Variants in FHIT observed in about 807,000 individuals in gnomAD.
FHIT encodes the protein fragile histidine triad diadenosine triphosphatase.
A neutral mutation model predicts 17.9 loss-of-function variants in FHIT; 19 were observed. The ratio of observed to expected loss-of-function variants is 1.06; its 90% CI spans 0.74 to 1.56. The LOEUF (loss-of-function observed/expected upper bound fraction) is 1.56, where lower values mean the gene tolerates loss of function less well. Among genes scored for constraint, FHIT ranks in the 40% most tolerant of loss-of-function variants. FHIT has a pLI of 0.00. For synonymous variants in FHIT, 81 were observed against 69.7 expected (o/e 1.16, Z -0.81); for missense variants, 248 against 189.2 (o/e 1.31, Z -1.82).
At chr3:60,202,748 C>G (rs1401431139) in intron 5 of FHIT, among the ~76,000 whole-genome samples, 2 of 152,166 alleles carry the variant, frequency 1.3e-5, no homozygotes, top group Non-Finnish European at 2.9e-5. Flanking sequence ...GGCCAAGAAT[C>G]ATCAACTTTG....
chr3:60,696,648 T>C (rs1024927001), intron 4 of FHIT, among the ~76,000 whole-genome samples: 1 of 152,140 alleles, frequency 6.6e-6, no homozygotes, highest in Admixed American at 6.6e-5. Flanking sequence ...AGTCTGTGGA[T>C]CAGAGGGCTG....
intron 5 of FHIT, among the ~76,000 whole-genome samples, chr3:60,475,642 G>T (rs1400890658): frequency 6.6e-6 from 1 of 152,130 alleles, no homozygotes; most frequent in Non-Finnish European, 1.5e-5. Flanking sequence ...CAACTTCATG[G>T]GCCTGGGCCA....
intron 5 of FHIT, among the ~76,000 whole-genome samples, chr3:60,232,706 G>A (rs11717200): frequency 0.13 from 20,182 of 152,108 alleles, 1,597 homozygotes; most frequent in Admixed American, 0.21. Context: ...TCCATCTCCA[G>A]TATAAGCACC....
At chr3:60,269,678 T>C (rs892808778) in intron 5 of FHIT, among the ~76,000 whole-genome samples, 5 of 152,214 alleles carry the variant, frequency 3.3e-5, no homozygotes, top group African/African-American at 9.6e-5. Flanking sequence ...TATCCTAGCA[T>C]TGAGCCAGGC....
At chr3:61,070,579 AT>A in intron 2 of FHIT, among the ~76,000 whole-genome samples, 1 of 152,320 alleles carries the variant, frequency 6.6e-6, no homozygotes, top group Non-Finnish European at 1.5e-5. Context: ...TCTACCCAGG[AT>A]AATGCAAAAC....
intron 3 of FHIT, among the ~76,000 whole-genome samples, chr3:61,014,807 A>ATATATAT (rs1482200671): frequency 2.0e-5 from 1 of 49,116 alleles, no homozygotes; most frequent in Non-Finnish European, 4.6e-5. Flanking sequence ...AAAAAAAAAA[A>ATATATAT]ATATATATAT....
chr3:60,654,873 T>C (rs1444029780), intron 4 of FHIT, among the ~76,000 whole-genome samples: 1 of 152,152 alleles, frequency 6.6e-6, no homozygotes, highest in Non-Finnish European at 1.5e-5. Flanking sequence ...TAATGGTATA[T>C]AGCTGACCGA....
At chr3:60,571,335 C>CAAAA (rs56094072) in intron 4 of FHIT, among the ~76,000 whole-genome samples, 1,139 of 54,484 alleles carry the variant, frequency 0.021, 106 homozygotes, top group Non-Finnish European at 0.027. Context: ...GACTCCATCG[C>CAAAA]AAAAAAAAAA....
chr3:60,336,857 A>T (rs987184749), intron 5 of FHIT, among the ~76,000 whole-genome samples: 40 of 148,714 alleles, frequency 2.7e-4, no homozygotes, highest in Non-Finnish European at 4.7e-4. Flanking sequence ...AAGACTATTT[A>T]AAAAAACTCA....
intron 4 of FHIT, among the ~76,000 whole-genome samples, chr3:60,552,505 AAATT>A: frequency 6.6e-6 from 1 of 152,268 alleles, no homozygotes; most frequent in African/African-American, 2.4e-5. Context: ...CAGATATTTT[AAATT>A]AATTGGTCTG....
intron 4 of FHIT, among the ~76,000 whole-genome samples, chr3:60,561,170 A>G (rs1248196042): frequency 1.3e-5 from 2 of 152,052 alleles, no homozygotes; most frequent in African/African-American, 2.4e-5. Flanking sequence ...AGAATGTCCT[A>G]AAGTACTGAC....
chr3:60,885,297 A>G (rs575815675), intron 3 of FHIT, among the ~76,000 whole-genome samples: 1 of 152,314 alleles, frequency 6.6e-6, no homozygotes, highest in East Asian at 1.9e-4. Flanking sequence ...GTACTAAAGT[A>G]TCACATGAGC....
chr3:60,900,611 T>C (rs906328781), intron 3 of FHIT, among the ~76,000 whole-genome samples: 1 of 152,062 alleles, frequency 6.6e-6, no homozygotes, highest in Non-Finnish European at 1.5e-5. Context: ...ATTTTTAATA[T>C]ATTTTAAAAA....
chr3:61,089,943 A>G (rs1353002318), intron 2 of FHIT, among the ~76,000 whole-genome samples: 1 of 152,234 alleles, frequency 6.6e-6, no homozygotes, highest in Non-Finnish European at 1.5e-5. Context: ...TAGAGAAGCA[A>G]GCATCAGATA....
At chr3:60,712,919 A>G (rs1311538732) in intron 4 of FHIT, among the ~76,000 whole-genome samples, 19 of 145,644 alleles carry the variant, frequency 1.3e-4, no homozygotes, top group African/African-American at 4.7e-4. Context: ...GCTCTGCAGC[A>G]AGCGGACCTA....
At chr3:60,604,227 A>C (rs782105914) in intron 4 of FHIT, among the ~76,000 whole-genome samples, 1 of 152,168 alleles carries the variant, frequency 6.6e-6, no homozygotes, top group Non-Finnish European at 1.5e-5. Context: ...AAGAGAAAAA[A>C]CTGGCAGAAC....
chr3:59,845,702 C>G (rs993917898), intron 8 of FHIT, among the ~76,000 whole-genome samples: 7 of 152,194 alleles, frequency 4.6e-5, no homozygotes, highest in African/African-American at 1.7e-4. Flanking sequence ...TGCATATGGT[C>G]TATCCTGGAA....
intron 5 of FHIT, among the ~76,000 whole-genome samples, chr3:60,439,545 T>A (rs2030602600): frequency 6.6e-6 from 1 of 152,048 alleles, no homozygotes; most frequent in Non-Finnish European, 1.5e-5. Flanking sequence ...GGTGATCAGA[T>A]GGATGACATC....
intron 4 of FHIT, among the ~76,000 whole-genome samples, chr3:60,551,828 T>C (rs1304076458): frequency 1.3e-5 from 2 of 151,694 alleles, no homozygotes; most frequent in Admixed American, 6.6e-5. Flanking sequence ...GTTAAGACTT[T>C]TGAAAAGTGA....
Sources: gnomAD v4.1 joint callset for allele counts (sites outside exome capture counted in the v4.1 genomes callset) on GRCh38, gnomAD v4.1.1 for gene constraint, MANE v1.5 for transcripts, NCBI Gene and HGNC (gene_info 2026-07-23, HGNC 2026-07-21) for gene names.